CASZ1: variants seen among roughly 807,000 people sequenced by gnomAD.
The protein encoded by CASZ1 is zinc finger protein castor homolog 1.
In CASZ1, 28 loss-of-function variants were observed where a neutral mutation model predicts 135.2. The ratio of observed to expected loss-of-function variants is 0.21; its 90% confidence interval spans 0.15 to 0.28. The LOEUF (loss-of-function observed/expected upper bound fraction) is 0.28, where lower values mean the gene tolerates loss of function less well. Among genes scored for constraint, CASZ1 ranks in the 10% least tolerant of loss-of-function variants. CASZ1 has a pLI of 1.00. For synonymous variants in CASZ1, 1,068 were observed against 1,073.4 expected, an observed-to-expected ratio of 0.99 and a Z score of 0.10; for missense variants, 2,161 against 2,453.3, an observed-to-expected ratio of 0.88 and a Z score of 2.52.
At chr1:10,683,951 T>C (rs1250664764) in intron 4 of CASZ1, among the ~76,000 whole-genome samples, 2 of 152,196 alleles carry the variant, frequency 1.3e-5, no homozygotes, top group Admixed American at 6.5e-5. Context: ...TGGAGGCCTG[T>C]GTGTCCTCAC....
chr1:10,666,310 TTC>T lies in CASZ1; in HGVS notation c.17-741_17-740del, dbSNP rs1643231949. 6.6e-6 allele frequency among the ~76,000 whole-genome samples: 1 copy of T among 152,196 alleles called. No individual in the cohort carries two copies. Among genetic ancestry groups the T allele is most frequent in the African/African-American group, 2.4e-5 (1 of 41,446 alleles). On this transcript the variant is annotated intron_variant, in intron 4 of 20. Transcript: ENST00000377022. The surrounding 1 kb of genome is among the most constrained non-coding windows in gnomAD (Gnocchi z 5.2). The stretch of plus-strand genomic sequence containing the variant: ...TCAGTCTCCTCCCTGCCTCAGGGTC[TTC>T]TCCAGCCCTTGCCAGCCCCCTCTTG...
rs765720923 is a variant in CASZ1 at position 10,666,004 on chromosome 1, G to A, written c.17-433C>T. 1.3e-4 allele frequency among the ~76,000 whole-genome samples: 20 copies of A among 152,158 alleles called. No homozygotes were observed. The highest frequency in any genetic ancestry group is 2.9e-4 in the Non-Finnish European group (20 of 68,022). On this transcript the variant is annotated intron_variant, in intron 4 of 20. Transcript: ENST00000377022. This position sits in a 1 kb window ranked among gnomAD's most constrained non-coding sequence, Gnocchi z 5.2. ...TGCGGTCAGGCTGTCAAGGGACAGC[G>A]TGGCATTCCTGGCAGCTTGTTCCGC...
chr1:10,675,032 G>A (rs1403729482), intron 4 of CASZ1, among the ~76,000 whole-genome samples: 1 of 150,950 alleles, frequency 6.6e-6, no homozygotes, highest in African/African-American at 2.5e-5. Flanking sequence ...GCAACCAACT[G>A]TCATTAAAAT....
chr1:10,758,628 G>A (rs1192256956), intron 2 of CASZ1, among the ~76,000 whole-genome samples: 2 of 152,150 alleles, frequency 1.3e-5, no homozygotes, highest in East Asian at 3.9e-4. Flanking sequence ...CACCGCACCT[G>A]GCCCCAGACC....
At chr1:10,674,433 AG>A (rs1324148078) in intron 4 of CASZ1, among the ~76,000 whole-genome samples, 5 of 152,286 alleles carry the variant, frequency 3.3e-5, no homozygotes, top group African/African-American at 1.2e-4. Context: ...CTGCTGCGGG[AG>A]GGCGTCCAGC....
At chr1:10,742,691 T>C (rs926166131) in intron 2 of CASZ1, among the ~76,000 whole-genome samples, 1 of 152,078 alleles carries the variant, frequency 6.6e-6, no homozygotes, top group Non-Finnish European at 1.5e-5. Flanking sequence ...GGTGAGGAGT[T>C]AGAAGCCTCT....
rs1640453844 is a variant in CASZ1 at position 10,765,316 on chromosome 1, A to T, written c.-233-4459T>A. The stretch of plus-strand genomic sequence containing the variant: ...GAGAGGACAGAGCGCTAATGAGCAG[A>T]TTTCATAAACCACCCGAGTGAAAAC... On this transcript the variant is annotated intron_variant, in intron 1 of 20. Coordinates refer to ENST00000377022, the MANE Select transcript of CASZ1 (RefSeq NM_001079843.3). Among the ~76,000 whole-genome samples, 3 of 151,976 alleles carry T rather than the reference A, an allele frequency of 2.0e-5. No homozygotes were observed. The South Asian group carries it at 6.2e-4, about 32-fold the overall frequency.
rs1325496939 is a variant in CASZ1, at chr1:10,735,034, T to C, written c.-77+25667A>G. Among the ~76,000 whole-genome samples, 2 of 151,986 alleles carry C rather than the reference T, an allele frequency of 1.3e-5. No homozygotes were observed. The highest frequency in any genetic ancestry group is 1.9e-4 in the East Asian group (1 of 5,162). On this transcript the variant is annotated intron_variant, in intron 2 of 20. Coordinates refer to ENST00000377022, the MANE Select transcript of CASZ1 (RefSeq NM_001079843.3). The surrounding 1 kb of genome is among the most constrained non-coding windows in gnomAD (Gnocchi z 5.1). ...CCCCGCCCCATGACCAACGGGACCC[T>C]GGGAGGACGCAAGGGAGCTTCTACC...
At chr1:10,750,339 G>A (rs980909199) in intron 2 of CASZ1, among the ~76,000 whole-genome samples, 6 of 152,112 alleles carry the variant, frequency 3.9e-5, no homozygotes, top group East Asian at 1.9e-4. Context: ...GCAGTGGTGC[G>A]ATCACAGCTC....
At chr1:10,793,962 C>T (rs1013574793) in intron 1 of CASZ1, among the ~76,000 whole-genome samples, 1 of 152,192 alleles carries the variant, frequency 6.6e-6, no homozygotes, top group Non-Finnish European at 1.5e-5. Context: ...ACCGCCTGGT[C>T]GCCACCAGGA....
At chr1:10,710,767 C>T (rs946129167) in intron 2 of CASZ1, among the ~76,000 whole-genome samples, 2 of 152,258 alleles carry the variant, frequency 1.3e-5, no homozygotes, top group East Asian at 1.9e-4. Context: ...TGCTCCACAG[C>T]GAGATCATCA....
In CASZ1 at chr1:10,767,077, C is replaced by T. The variant is rs1010914524; in HGVS notation, c.-233-6220G>A. ...ACTTCAGAAGGAAAACAGAAATCCT[C>T]TGCGCCCGTTGACTGCTGATGGAAG... On this transcript the variant is annotated intron_variant, in intron 1 of 20. Coordinates refer to ENST00000377022, the MANE Select transcript of CASZ1 (RefSeq NM_001079843.3). The surrounding 1 kb of genome is among the most constrained non-coding windows in gnomAD (Gnocchi z 4.2). Among the ~76,000 whole-genome samples the T allele has an allele frequency of 6.6e-6, 1 of 152,198 alleles. No individual in the cohort carries two copies. Among genetic ancestry groups the T allele is most frequent in the Non-Finnish European group, 1.5e-5 (1 of 68,048 alleles).
chr1:10,795,271 C>A (rs935961377), intron 1 of CASZ1, among the ~76,000 whole-genome samples: 1 of 152,284 alleles, frequency 6.6e-6, no homozygotes, highest in Non-Finnish European at 1.5e-5. Flanking sequence ...TCTCCTTTGC[C>A]GTTAAGCCGG....
chr1:10,738,745 G>T (rs952990119), intron 2 of CASZ1, among the ~76,000 whole-genome samples: 1 of 152,174 alleles, frequency 6.6e-6, no homozygotes, highest in African/African-American at 2.4e-5. Context: ...AGGCAGGCCT[G>T]TGCCTTTAAA....
At chr1:10,722,622 CAG>C (rs1251349230) in intron 2 of CASZ1, among the ~76,000 whole-genome samples, 3 of 152,252 alleles carry the variant, frequency 2.0e-5, no homozygotes, top group Non-Finnish European at 4.4e-5. Flanking sequence ...GGCCCACTCA[CAG>C]GGGGGCAGCT....
chr1:10,670,913 A>C (rs923326827), intron 4 of CASZ1, among the ~76,000 whole-genome samples: 16 of 151,140 alleles, frequency 1.1e-4, no homozygotes, highest in Admixed American at 9.8e-4. Flanking sequence ...TTCTATCCCC[A>C]GCTCCAAACA....
chr1:10,780,088 C>T (rs2100610411), intron 1 of CASZ1, among the ~76,000 whole-genome samples: 1 of 152,310 alleles, frequency 6.6e-6, no homozygotes, highest in African/African-American at 2.4e-5. Flanking sequence ...CGGTGACCTT[C>T]ACTCCCCACA....
intron 2 of CASZ1, among the ~76,000 whole-genome samples, chr1:10,708,541 C>T (rs1394309370): frequency 6.6e-6 from 1 of 152,222 alleles, no homozygotes; most frequent in African/African-American, 2.4e-5. Flanking sequence ...TTCTTCCTAT[C>T]GGCTGCTGCA....
chr1:10,793,753 C>A (rs754937449), intron 1 of CASZ1, among the ~76,000 whole-genome samples: 3 of 151,770 alleles, frequency 2.0e-5, no homozygotes, highest in Non-Finnish European at 4.4e-5. Context: ...CTCTCCAATT[C>A]GCCGGACTCT....
Sources: allele counts gnomAD v4.1 joint callset (sites outside exome capture counted in the v4.1 genomes callset), GRCh38; gene constraint gnomAD v4.1.1; non-coding constraint Gnocchi (gnomAD v3.1); transcripts MANE v1.5; gene names NCBI Gene and HGNC (gene_info 2026-07-23, HGNC 2026-07-21).